The following ABCA8 variants were observed in gnomAD, a reference collection of about 807,000 sequenced individuals.
ABCA8 encodes the protein ABC-type organic anion transporter ABCA8.
ABCA8 carries 177 observed loss-of-function variants against 192.3 expected under a neutral mutation model. That is an observed-to-expected ratio of 0.92 (90% confidence interval 0.81 to 1.04). The LOEUF (loss-of-function observed/expected upper bound fraction) is 1.04. Ranked by LOEUF, ABCA8 falls within the 50% of genes least tolerant of loss-of-function variation. The probability of loss-of-function intolerance (pLI) is 0.00; values close to 1 mark genes in which losing one functional copy is unlikely to be tolerated. For synonymous variants in ABCA8, 642 were observed against 690.2 expected (o/e 0.93, Z 1.09); for missense variants, 1,915 against 1,904.8 (o/e 1.01, Z -0.10).
chr17:68,877,907 C>T (rs1416680918), intron 32 of ABCA8: 9 of 420,860 alleles, frequency 2.1e-5, no homozygotes, highest in Non-Finnish European at 3.3e-5. Context: ...AATCCAATAT[C>T]CCATAAATGT....
At chr17:68,924,554 G>A (rs370683661) in intron 11 of ABCA8, 147 bp downstream of exon 11, 2 of 846,986 alleles carry the variant, frequency 2.4e-6, no homozygotes, top group East Asian at 5.4e-5. Context: ...ATCTTTCTTT[G>A]AACTTGAGAT....
chr17:68,927,688 AT>A (rs2067740031), intron 10 of ABCA8, among the ~76,000 whole-genome samples: 1 of 152,188 alleles, frequency 6.6e-6, no homozygotes, highest in African/African-American at 2.4e-5. Context: ...TGAAGTTCAA[AT>A]GAAGGTTAGT....
chr17:68,918,197 G>A lies in ABCA8; in HGVS notation c.1909-12C>T. The A allele has an allele frequency of 1.2e-6, 2 of 1,613,884 alleles. No individual in the cohort carries two copies. The highest frequency in any genetic ancestry group is 1.7e-6 in the Non-Finnish European group (2 of 1,179,958). On this transcript the variant is annotated splice_polypyrimidine_tract_variant and intron_variant, in intron 15 of 39. Coordinates refer to ENST00000586539, the MANE Select transcript of ABCA8 (RefSeq NM_001288985.2). ...TCCAACAGGAAAATCTATAAACGAG[G>A]AAAGTATATAAGGCGGTTTTCCTCA...
At position 68,887,925 on chromosome 17, in the gene ABCA8, T is replaced by TATATAGATA; in HGVS notation, c.3145-420_3145-419insTATCTATAT. 9.9e-5 allele frequency among the ~76,000 whole-genome samples: 10 copies of TATATAGATA among 101,010 alleles called. 1 individual carries two copies. The highest frequency in any genetic ancestry group is 1.3e-4 in the Non-Finnish European group (7 of 53,006). 66.3% of individuals were successfully genotyped at this position (101,010 alleles called of 152,430 possible). On this transcript the variant is annotated intron_variant, in intron 24 of 39. Transcript: ENST00000586539. ...ATATATATCCATATATATATATATA[T>TATATAGATA]TATATATGGATATATATATTATATA... is the stretch of plus-strand genomic sequence containing the variant.
rs145305775 is a variant in ABCA8 at position 68,873,184 on chromosome 17, T to C, written c.4631+2076A>G. ...TCATTTTTTATCTTTTATGCCGATT[T>C]TTACTCTATCTTTTGCTATGTTTAG... On this transcript the variant is annotated intron_variant, in intron 37 of 39. Coordinates refer to ENST00000586539, the MANE Select transcript of ABCA8 (RefSeq NM_001288985.2). Among the ~76,000 whole-genome samples, 15 of 152,322 alleles carry C rather than the reference T, an allele frequency of 9.8e-5. No homozygotes were observed. In the East Asian group the frequency reaches 2.5e-3, roughly 25 times the overall value.
At chr17:68,938,591 A>G (rs531461856) in intron 4 of ABCA8, among the ~76,000 whole-genome samples, 11 of 152,162 alleles carry the variant, frequency 7.2e-5, no homozygotes, top group Non-Finnish European at 1.5e-4. Context: ...TTGGGATGTA[A>G]TTCACATACC....
At chr17:68,907,503 G>T (rs1328207867) in intron 18 of ABCA8, among the ~76,000 whole-genome samples, 1 of 151,960 alleles carries the variant, frequency 6.6e-6, no homozygotes, top group South Asian at 2.1e-4. Flanking sequence ...ACACTACTAG[G>T]GAAGAAGGAC....
At chr17:68,899,934 T>C (rs530465885) in intron 21 of ABCA8, among the ~76,000 whole-genome samples, 1 of 152,158 alleles carries the variant, frequency 6.6e-6, no homozygotes, top group African/African-American at 2.4e-5. Flanking sequence ...CCGAAACTTA[T>C]GCTATGCAGC....
chr17:68,877,381 T>G, intron 33 of ABCA8, 138 bp downstream of exon 33: 6 of 684,242 alleles, frequency 8.8e-6, no homozygotes, highest in Non-Finnish European at 1.4e-5. Flanking sequence ...AGGAAAGGAG[T>G]TTCTAGTTGT....
At chr17:68,913,460 G>A (rs2067272903) in intron 17 of ABCA8, among the ~76,000 whole-genome samples, 1 of 151,060 alleles carries the variant, frequency 6.6e-6, no homozygotes, top group Non-Finnish European at 1.5e-5. Context: ...AATTTGAAAA[G>A]TTAAACAAAA....
At chr17:68,877,974 A>C in intron 32 of ABCA8, 1 of 278,514 alleles carries the variant, frequency 3.6e-6, no homozygotes, top group Admixed American at 5.1e-5. Context: ...TCACTGTCAA[A>C]ATGAAGCATA....
At chr17:68,880,955 CT>C (rs1330138048) in intron 32 of ABCA8, 164 bp downstream of exon 32, 1 of 635,272 alleles carries the variant, frequency 1.6e-6, no homozygotes, top group African/African-American at 1.8e-5. Flanking sequence ...CAGTGCTTAG[CT>C]TTTGTGTGCA....
chr17:68,933,612 T>C (rs901449279), intron 5 of ABCA8, among the ~76,000 whole-genome samples: 2 of 152,178 alleles, frequency 1.3e-5, no homozygotes, highest in African/African-American at 4.8e-5. Flanking sequence ...TTTTAATGTT[T>C]TTCAAAAGTT....
intron 18 of ABCA8, 52 bp downstream of exon 18, chr17:68,907,688 T>C: frequency 7.0e-7 from 1 of 1,438,816 alleles, no homozygotes; most frequent in Non-Finnish European, 9.3e-7. Flanking sequence ...ATAATTATGA[T>C]GATGATGACT....
At position 68,868,078 on chromosome 17, in the gene ABCA8, T is replaced by C. The variant is rs1258785684; in HGVS notation, c.*7A>G. Reference sequence around the variant, plus strand: ...CGGGTTTAAACAGGAACACAGAATTTGGGGTTTTAAGGCTCTTCCTGGGGG... The same window carrying C: ...CGGGTTTAAACAGGAACACAGAATTCGGGGTTTTAAGGCTCTTCCTGGGGG... On this transcript the variant is annotated 3_prime_UTR_variant, in exon 40 of 40. Coordinates refer to ENST00000586539, the MANE Select transcript of ABCA8 (RefSeq NM_001288985.2). 1 of 1,593,282 alleles carries C rather than the reference T, an allele frequency of 6.3e-7. No homozygotes were observed. Among genetic ancestry groups the C allele is most frequent in the African/African-American group, 1.4e-5 (1 of 73,544 alleles).
intron 10 of ABCA8, among the ~76,000 whole-genome samples, chr17:68,925,697 G>T (rs1334842611): frequency 6.6e-6 from 1 of 152,098 alleles, no homozygotes. Context: ...CCTGCCACAT[G>T]GTATGTTGTT....
At chr17:68,890,810 A>G (rs1427020439) in intron 24 of ABCA8, among the ~76,000 whole-genome samples, 1 of 152,180 alleles carries the variant, frequency 6.6e-6, no homozygotes, top group Non-Finnish European at 1.5e-5. Flanking sequence ...TGAGCCACCA[A>G]GCTCGGCTGC....
chr17:68,897,148 G>A (rs942218955), intron 21 of ABCA8, among the ~76,000 whole-genome samples: 2 of 152,146 alleles, frequency 1.3e-5, no homozygotes, highest in African/African-American at 2.4e-5. Context: ...AAAACAATAG[G>A]CCAATCAGCT....
rs60957466 is a variant in ABCA8, at chr17:68,911,734, TAC to T, written c.2139-3857_2139-3856del. The stretch of plus-strand genomic sequence containing the variant: ...CCTCTGCCAGCTCCAGACAGCTCAA[TAC>T]ACACACACACACACACACACACACA... On this transcript the variant is annotated intron_variant, in intron 17 of 39. Transcript: ENST00000586539. The surrounding 1 kb of genome is among the most constrained non-coding windows in gnomAD (Gnocchi z 5.7). 0.073 allele frequency among the ~76,000 whole-genome samples: 10,529 copies of T among 143,770 alleles called. 962 individuals are homozygous for T. Among genetic ancestry groups the T allele is most frequent in the African/African-American group, 0.22 (8,461 of 39,154 alleles). 94.3% of individuals were successfully genotyped at this position (143,770 alleles called of 152,430 possible). A position where few individuals can be genotyped will look rare whatever the true frequency, so the allele number is the denominator to read the frequency against.
Sources: allele counts gnomAD v4.1 joint callset (sites outside exome capture counted in the v4.1 genomes callset), GRCh38; gene constraint gnomAD v4.1.1; non-coding constraint Gnocchi (gnomAD v3.1); transcripts MANE v1.5; gene names NCBI Gene and HGNC (gene_info 2026-07-23, HGNC 2026-07-21).